Variants in HMGXB3 observed in about 807,000 individuals in gnomAD.
The protein encoded by HMGXB3 is HMG domain-containing protein 3.
A neutral mutation model predicts 121.5 loss-of-function variants in HMGXB3; 45 were observed. The observed-to-expected ratio is 0.37, with a 90% CI of 0.29 to 0.47. The LOEUF (loss-of-function observed/expected upper bound fraction) is 0.47. HMGXB3 is among the 20% of genes least tolerant of loss of function. The pLI is 0.99. For missense variants in HMGXB3, 1,376 were observed against 1,602.2 expected, an observed-to-expected ratio of 0.86 and a Z score of 2.41; for synonymous variants, 590 against 624.1, an observed-to-expected ratio of 0.95 and a Z score of 0.81.
chr5:150,046,519 A>G (rs1011390783), intron 16 of HMGXB3, among the ~76,000 whole-genome samples: 7 of 152,188 alleles, frequency 4.6e-5, no homozygotes, highest in Admixed American at 3.9e-4. Context: ...GCTTCCTAAT[A>G]TTAGATATTG....
At chr5:150,043,245 G>A (rs1015267549) in intron 15 of HMGXB3, among the ~76,000 whole-genome samples, 2 of 152,096 alleles carry the variant, frequency 1.3e-5, no homozygotes, top group Non-Finnish European at 2.9e-5. Flanking sequence ...ACCTTCTTTA[G>A]GGTTTAAAAA....
At chr5:150,020,417 C>G (rs1225219805) in intron 6 of HMGXB3, among the ~76,000 whole-genome samples, 1 of 152,198 alleles carries the variant, frequency 6.6e-6, no homozygotes, top group African/African-American at 2.4e-5. Context: ...CTTTCTTGAC[C>G]AATGCGAAAC....
At chr5:150,012,648 C>T (rs537898815) in intron 5 of HMGXB3, among the ~76,000 whole-genome samples, 39 of 152,178 alleles carry the variant, frequency 2.6e-4, no homozygotes, top group African/African-American at 8.7e-4. Context: ...ATAAAATTTT[C>T]GTAAGCATAC....
chr5:150,026,175 C>T (rs967588990), intron 7 of HMGXB3, among the ~76,000 whole-genome samples: 9 of 152,040 alleles, frequency 5.9e-5, no homozygotes, highest in South Asian at 2.1e-4. Flanking sequence ...TATACTTTGG[C>T]GATGGTTTTG....
chr5:150,005,112 G>T, intron 2 of HMGXB3, 123 bp downstream of exon 2: 1 of 1,310,160 alleles, frequency 7.6e-7, no homozygotes. Context: ...CTGTGTCGAG[G>T]GATGAGGAGT....
rs776217779 is a variant in HMGXB3 at position 150,050,372 on chromosome 5, C to T, written c.3322C>T (p.Leu1108=). The T allele has an allele frequency of 9.7e-6, 15 of 1,551,724 alleles. No homozygotes were observed. The highest frequency in any genetic ancestry group is 9.6e-6 in the Non-Finnish European group (11 of 1,146,960). ...YVVDMATSVA[L]CADLCYPELT... ...GGTAGATATGGCCACGTCAGTGGCCCTGTGTGCTGACCTCTGCTACCCAGA... is the reference window on the plus strand; with the variant it reads ...GGTAGATATGGCCACGTCAGTGGCCTTGTGTGCTGACCTCTGCTACCCAGA... The change falls in exon 19 of 20, where the codon CTG becomes TTG. Residue 1108 remains leucine (L), a synonymous_variant. Transcript: ENST00000502717.
At chr5:150,047,474 G>A (rs1031707155) in intron 16 of HMGXB3, 150 bp from the exon 17 acceptor site, 65 of 803,382 alleles carry the variant, frequency 8.1e-5, no homozygotes, top group Non-Finnish European at 6.6e-5. Context: ...TCTGCAGAAA[G>A]CGTGGACCTG....
chr5:150,035,705 C>T (rs777790703), intron 11 of HMGXB3, among the ~76,000 whole-genome samples: 11 of 151,952 alleles, frequency 7.2e-5, no homozygotes, highest in Non-Finnish European at 1.3e-4. Context: ...GAACACAAAG[C>T]GGGGAGTGAT....
intron 1 of HMGXB3, among the ~76,000 whole-genome samples, chr5:150,004,565 C>T (rs114270818): frequency 0.011 from 1,711 of 152,220 alleles, 26 homozygotes; most frequent in African/African-American, 0.039. Flanking sequence ...AAAAGTATTT[C>T]TAAGGCAGTG....
rs1756647405 is a variant in HMGXB3 at position 150,042,115 on chromosome 5, C to T, written c.2730+146C>T. The stretch of plus-strand genomic sequence containing the variant: ...TTTTTCCTCCCACAGCCCAAGATTT[C>T]ATTTAGGGAATGCCAGATGGAAATG... On this transcript the variant is annotated intron_variant, in intron 15 of 19. Coordinates refer to ENST00000502717, the MANE Select transcript of HMGXB3 (RefSeq NM_014983.3). The T allele has an allele frequency of 5.2e-6, 3 of 577,284 alleles. No individual in the cohort carries two copies. The South Asian group carries it at 7.6e-5, about 15-fold the overall frequency. The allele number at this position is 577,284 out of a possible 1,614,324, so 35.8% of individuals were successfully genotyped here.
intron 9 of HMGXB3, among the ~76,000 whole-genome samples, chr5:150,028,507 G>GTA (rs1756292163): frequency 8.7e-5 from 3 of 34,496 alleles, no homozygotes; most frequent in South Asian, 1.4e-3. Context: ...ATGTATGTAT[G>GTA]TGTGTGTGTG....
At chr5:150,031,380 G>A (rs571027084) in intron 10 of HMGXB3, among the ~76,000 whole-genome samples, 6 of 152,346 alleles carry the variant, frequency 3.9e-5, no homozygotes, top group Non-Finnish European at 2.9e-5. Context: ...TCACCCTTTT[G>A]TAGGGCAGGC....
intron 13 of HMGXB3, 58 bp from the exon 14 acceptor site, chr5:150,040,690 A>AT: frequency 2.0e-6 from 3 of 1,514,046 alleles, no homozygotes; most frequent in African/African-American, 1.4e-5. Context: ...TGTGTATTCT[A>AT]TTTTTTGCCA....
intron 6 of HMGXB3, chr5:150,021,519 A>G (rs115109520): frequency 4.8e-4 from 160 of 332,942 alleles, no homozygotes; most frequent in African/African-American, 3.1e-3. Context: ...AAACATTGAG[A>G]TTTTTTGTTT....
intron 4 of HMGXB3, 99 bp downstream of exon 4, chr5:150,010,707 G>T (rs1755810575): frequency 1.7e-6 from 2 of 1,191,856 alleles, no homozygotes; most frequent in Non-Finnish European, 2.3e-6. Flanking sequence ...GTAATCAAGA[G>T]TACTGGTGTG....
chr5:150,028,555 ATATATTTT>A lies in HMGXB3; in HGVS notation c.1734+1440_1734+1447del, dbSNP rs1165838375. Among the ~76,000 whole-genome samples the A allele has an allele frequency of 3.8e-3, 220 of 57,146 alleles. 6 individuals carry two copies. Among genetic ancestry groups the A allele is most frequent in the African/African-American group, 0.02 (206 of 10,274 alleles). 37.5% of individuals were successfully genotyped at this position (57,146 alleles called of 152,430 possible). On this transcript the variant is annotated intron_variant, in intron 9 of 19. Transcript: ENST00000502717. Reference sequence around the variant, plus strand: ...TGTGTGTGTGTGTATATATATATATATATATTTTTTTTTTTTTTTTTTTCCTCCAGAAA... The same window carrying A: ...TGTGTGTGTGTGTATATATATATATATTTTTTTTTTTTTTTCCTCCAGAAA...
chr5:150,009,473 C>T (rs192509045), intron 3 of HMGXB3, among the ~76,000 whole-genome samples: 13 of 152,282 alleles, frequency 8.5e-5, no homozygotes, highest in African/African-American at 2.9e-4. Flanking sequence ...ATAACCCCTT[C>T]TATATATACT....
intron 9 of HMGXB3, among the ~76,000 whole-genome samples, chr5:150,027,909 A>G (rs1756272466): frequency 1.3e-5 from 2 of 152,194 alleles, no homozygotes; most frequent in South Asian, 2.1e-4. Context: ...TCTCCCATTC[A>G]TATTCCAAAT....
At position 150,052,012 on chromosome 5, in the gene HMGXB3, C is replaced by T. The variant is rs1286328345; in HGVS notation, c.3699C>T (p.Arg1233=). The change falls in exon 20 of 20, where the codon CGC becomes CGT. Residue 1233 remains arginine (R), a synonymous_variant. Transcript: ENST00000502717. Reference sequence around the variant, plus strand: ...CCACTCACTATTACCTCTACAACCGCCTCATGGACTTCCTCACCAGCCGCG... The same window carrying T: ...CCACTCACTATTACCTCTACAACCGTCTCATGGACTTCCTCACCAGCCGCG... ...DNATHYYLYN[R]LMDFLTSREI... 5 of 1,552,074 alleles carry T rather than the reference C, an allele frequency of 3.2e-6. No individual in the cohort carries two copies. The highest frequency in any genetic ancestry group is 4.4e-6 in the Non-Finnish European group (5 of 1,147,084).
Sources: allele counts gnomAD v4.1 joint callset (sites outside exome capture counted in the v4.1 genomes callset), GRCh38; gene constraint gnomAD v4.1.1; transcripts MANE v1.5; gene names NCBI Gene and HGNC (gene_info 2026-07-23, HGNC 2026-07-21).